The following NRXN1 variants were observed in gnomAD, a reference collection of about 807,000 sequenced individuals.
The protein encoded by NRXN1 is neurexin-1.
In NRXN1, 39 loss-of-function variants were observed where a neutral mutation model predicts 150.9. That is an observed-to-expected ratio of 0.26 (90% CI 0.20 to 0.34). The LOEUF is 0.34. Among genes scored for constraint, NRXN1 ranks in the 10% least tolerant of loss-of-function variants. NRXN1 has a pLI of 1.00. For missense variants in NRXN1, 1,815 were observed against 1,949.9 expected, an observed-to-expected ratio of 0.93 and a Z score of 1.30; for synonymous variants, 924 against 757.0, an observed-to-expected ratio of 1.22 and a Z score of -3.62.
intron 18 of NRXN1, among the ~76,000 whole-genome samples, chr2:50,215,696 T>C (rs757089632): frequency 3.3e-5 from 5 of 152,132 alleles, no homozygotes; most frequent in African/African-American, 1.2e-4. Context: ...TAAAACAATA[T>C]TTAAAATAAG....
intron 13 of NRXN1, among the ~76,000 whole-genome samples, chr2:50,506,191 T>C (rs1244076090): frequency 6.6e-6 from 1 of 152,058 alleles, no homozygotes; most frequent in Non-Finnish European, 1.5e-5. Context: ...AATTGGCATC[T>C]AAACATGACT....
intron 18 of NRXN1, among the ~76,000 whole-genome samples, chr2:50,225,518 T>A (rs1284197523): frequency 1.3e-5 from 2 of 151,850 alleles, no homozygotes; most frequent in Non-Finnish European, 2.9e-5. Context: ...AGTATTATGA[T>A]TGTACCAAGA....
intron 8 of NRXN1, among the ~76,000 whole-genome samples, chr2:50,573,633 G>A (rs1260151590): frequency 3.3e-5 from 5 of 151,906 alleles, no homozygotes; most frequent in Admixed American, 3.3e-4. Flanking sequence ...GCATCTCATT[G>A]GGGTGGAATC....
At chr2:50,682,367 A>G (rs919648560) in intron 5 of NRXN1, among the ~76,000 whole-genome samples, 2 of 152,184 alleles carry the variant, frequency 1.3e-5, no homozygotes, top group African/African-American at 2.4e-5. Context: ...TGAGTTTACT[A>G]TCCCATGTCT....
chr2:50,258,782 T>C (rs1248175800), intron 17 of NRXN1, among the ~76,000 whole-genome samples: 5 of 152,052 alleles, frequency 3.3e-5, no homozygotes, highest in Non-Finnish European at 7.4e-5. Context: ...AAATTACTCC[T>C]TCCTTGGGTT....
At chr2:50,661,538 G>T (rs1188689696) in intron 5 of NRXN1, among the ~76,000 whole-genome samples, 1 of 151,982 alleles carries the variant, frequency 6.6e-6, no homozygotes, top group Non-Finnish European at 1.5e-5. Context: ...GTGCCTTAAG[G>T]GTCCTCAGTA....
At chr2:50,418,423 T>A (rs1335812753) in intron 17 of NRXN1, among the ~76,000 whole-genome samples, 1 of 152,070 alleles carries the variant, frequency 6.6e-6, no homozygotes, top group Admixed American at 6.6e-5. Context: ...AAATCATAAA[T>A]GTGTATTACA....
intron 5 of NRXN1, among the ~76,000 whole-genome samples, chr2:50,788,333 C>T (rs560766228): frequency 2.0e-5 from 3 of 152,010 alleles, no homozygotes; most frequent in Admixed American, 6.6e-5. Context: ...CGTGATCCGC[C>T]GCCTCGGCCT....
chr2:50,361,548 C>T (rs1030487116), intron 17 of NRXN1, among the ~76,000 whole-genome samples: 7 of 152,168 alleles, frequency 4.6e-5, no homozygotes, highest in African/African-American at 1.4e-4. Context: ...ATACACCCTC[C>T]GAAGACTAAA....
chr2:50,819,486 T>C (rs761764861), intron 5 of NRXN1, among the ~76,000 whole-genome samples: 4 of 152,010 alleles, frequency 2.6e-5, no homozygotes. Flanking sequence ...CAAGTTCATA[T>C]AAGTAGAAAG....
chr2:50,587,212 T>C (rs1309487764), intron 8 of NRXN1, among the ~76,000 whole-genome samples: 1 of 152,308 alleles, frequency 6.6e-6, no homozygotes, highest in African/African-American at 2.4e-5. Context: ...TGGCCAGGCA[T>C]GGTGGCTCAC....
intron 5 of NRXN1, among the ~76,000 whole-genome samples, chr2:50,716,951 T>TA (rs1695941403): frequency 6.6e-6 from 1 of 152,216 alleles, no homozygotes; most frequent in African/African-American, 2.4e-5. Flanking sequence ...TATGGCTAAA[T>TA]ACTTATTTAT....
intron 5 of NRXN1, among the ~76,000 whole-genome samples, chr2:50,891,667 A>G (rs1047981370): frequency 2.0e-5 from 3 of 152,060 alleles, no homozygotes; most frequent in African/African-American, 7.2e-5. Context: ...TCTTGTTAAC[A>G]TATCTTGATA....
chr2:50,928,090 T>C (rs965613823), intron 2 of NRXN1, among the ~76,000 whole-genome samples: 1 of 151,928 alleles, frequency 6.6e-6, no homozygotes, highest in Admixed American at 6.6e-5. Context: ...TGAATTCTTA[T>C]TCATAATGAG....
intron 17 of NRXN1, among the ~76,000 whole-genome samples, chr2:50,337,136 T>A (rs796948884): frequency 6.8e-6 from 1 of 147,924 alleles, no homozygotes; most frequent in African/African-American, 2.5e-5. Flanking sequence ...CAGGCTGGAG[T>A]GTGCAATGGC....
chr2:50,585,315 A>C (rs1672920982), intron 8 of NRXN1, among the ~76,000 whole-genome samples: 1 of 152,188 alleles, frequency 6.6e-6, no homozygotes, highest in African/African-American at 2.4e-5. Context: ...TGCAGTATCT[A>C]AAGTAGTCAA....
intron 2 of NRXN1, among the ~76,000 whole-genome samples, chr2:51,014,503 G>A (rs1668373134): frequency 6.6e-6 from 1 of 151,948 alleles, no homozygotes; most frequent in Non-Finnish European, 1.5e-5. Flanking sequence ...CAGTTAAATG[G>A]AATTTTGAAA....
At chr2:50,382,832 G>A (rs1314826237) in intron 17 of NRXN1, among the ~76,000 whole-genome samples, 1 of 152,108 alleles carries the variant, frequency 6.6e-6, no homozygotes, top group East Asian at 1.9e-4. Flanking sequence ...AAAAGTCACA[G>A]CTTTTACTGG....
At chr2:50,148,054 T>A (rs2058459283) in intron 18 of NRXN1, among the ~76,000 whole-genome samples, 1 of 151,728 alleles carries the variant, frequency 6.6e-6, no homozygotes, top group Admixed American at 6.6e-5. Flanking sequence ...GCTTGCTGAC[T>A]GTCAGATGCT....
Sources: gnomAD v4.1 joint callset for allele counts (sites outside exome capture counted in the v4.1 genomes callset) on GRCh38, gnomAD v4.1.1 for gene constraint, MANE v1.5 for transcripts, NCBI Gene and HGNC (gene_info 2026-07-23, HGNC 2026-07-21) for gene names.